LMF1: variants seen among roughly 807,000 people sequenced by gnomAD.
LMF1 encodes transmembrane protein 112.
LMF1 carries 68 observed loss-of-function variants against 60.6 expected under a neutral mutation model. The observed-to-expected ratio is 1.12, with a 90% CI of 0.92 to 1.37. The LOEUF (loss-of-function observed/expected upper bound fraction) is 1.37, where lower values mean the gene tolerates loss of function less well. Ranked by LOEUF, LMF1 falls within the 40% of genes most tolerant of loss-of-function variation. LMF1 has a pLI of 0.00. For synonymous variants in LMF1, 418 were observed against 324.7 expected (o/e 1.29, Z -3.09); for missense variants, 948 against 767.2 (o/e 1.24, Z -2.78).
intron 1 of LMF1, among the ~76,000 whole-genome samples, chr16:955,572 G>C (rs1310260366): frequency 6.6e-6 from 1 of 152,246 alleles, no homozygotes; most frequent in East Asian, 1.9e-4. Context: ...AAGTGAACCA[G>C]ACACGTTACA....
intron 3 of LMF1, among the ~76,000 whole-genome samples, chr16:911,382 C>T (rs142056868): frequency 2.0e-5 from 3 of 152,210 alleles, no homozygotes; most frequent in Non-Finnish European, 4.4e-5. Flanking sequence ...GGACGCTGCA[C>T]GGACCTGACA....
At chr16:971,646 A>G (rs897771485), upstream of LMF1, among the ~76,000 whole-genome samples, 12 of 152,190 alleles carry the variant, frequency 7.9e-5, no homozygotes, top group Non-Finnish European at 1.2e-4. Flanking sequence ...TAACTGCCCA[A>G]TGCCCCAAAC....
At chr16:955,792 C>T (rs1327470935) in intron 1 of LMF1, among the ~76,000 whole-genome samples, 2 of 152,250 alleles carry the variant, frequency 1.3e-5, no homozygotes, top group Non-Finnish European at 2.9e-5. Context: ...TCAGCATTCA[C>T]CATTATGAAA....
intron 1 of LMF1, among the ~76,000 whole-genome samples, chr16:966,244 C>T (rs992144388): frequency 6.6e-6 from 1 of 152,200 alleles, no homozygotes; most frequent in Non-Finnish European, 1.5e-5. Context: ...GGGGCCCCAG[C>T]CTCTCACTGC....
chr16:970,988 G>A (rs1357130372), upstream of LMF1: 5 of 1,483,756 alleles, frequency 3.4e-6, no homozygotes, highest in East Asian at 1.3e-4. Context: ...CATGTGCGGG[G>A]AGGGCGCACT....
intron 2 of LMF1, among the ~76,000 whole-genome samples, chr16:937,109 G>A (rs1348823185): frequency 1.3e-5 from 2 of 152,210 alleles, no homozygotes; most frequent in Admixed American, 1.3e-4. Context: ...GGCTGAGGGT[G>A]TTCGAAAATG....
At chr16:954,142 T>C in intron 2 of LMF1, 2 of 683,238 alleles carry the variant, frequency 2.9e-6, no homozygotes, top group Non-Finnish European at 5.4e-6. Flanking sequence ...AAGGAAGAGC[T>C]ACTGCAAAGA....
chr16:895,547 T>C (rs2070639057), intron 4 of LMF1, among the ~76,000 whole-genome samples: 1 of 152,066 alleles, frequency 6.6e-6, no homozygotes, highest in African/African-American at 2.4e-5. Flanking sequence ...TCTGCTGCTG[T>C]CTGTGCAGGA....
At position 853,695 on chromosome 16, in the gene LMF1, C is replaced by T. The variant is rs1489108756; in HGVS notation, c.*837G>A. On this transcript the variant is annotated 3_prime_UTR_variant, in exon 11 of 11. Transcript: ENST00000262301. ...GTAGAAGAATATGCCATAGCTATGG[C>T]TCAAGAATAGGAATAAGAAAAATGT... 6.6e-6 allele frequency: 3 copies of T among 454,140 alleles called. No homozygotes were observed. The highest frequency in any genetic ancestry group is 4.7e-5 in the Admixed American group (2 of 42,582). The allele number at this position is 454,140 out of a possible 1,614,324, so 28.1% of individuals were successfully genotyped here.
intron 2 of LMF1, among the ~76,000 whole-genome samples, chr16:945,525 C>CAA (rs72449666): frequency 0.098 from 14,072 of 143,378 alleles, 720 homozygotes; most frequent in Non-Finnish European, 0.11. Context: ...GAGGCTGTCT[C>CAA]AAAAAAAAAA....
Position 870,836 on chromosome 16 carries a change from C to T in LMF1, c.1125G>A (p.Leu375=), listed in dbSNP as rs754873251. 1 of 1,612,004 alleles carries T rather than the reference C, an allele frequency of 6.2e-7. No individual in the cohort carries two copies. The highest frequency in any genetic ancestry group is 1.3e-5 in the African/African-American group (1 of 75,034). The change falls in exon 8 of 11, where the codon CTG becomes CTA. Residue 375 remains leucine, a synonymous_variant. Coordinates refer to ENST00000262301, the MANE Select transcript of LMF1 (RefSeq NM_022773.4). ...GGACCACGGGCACGCTGAGCCAGGC[C>T]AGCAGGACGCCCAGCGAGACGTTGG... is the stretch of plus-strand genomic sequence containing the variant. ...RAANVSLGVL[L]AWLSVPVVLN...
At chr16:914,592 C>CATTGGTG (rs2071221989) in intron 3 of LMF1, among the ~76,000 whole-genome samples, 1 of 2,932 alleles carries the variant, frequency 3.4e-4, no homozygotes, top group African/African-American at 9.8e-4. Flanking sequence ...TTCCCATGAC[C>CATTGGTG]ACTGGTGACA....
intron 2 of LMF1, among the ~76,000 whole-genome samples, chr16:946,722 G>C (rs1361156698): frequency 6.6e-6 from 1 of 152,232 alleles, no homozygotes; most frequent in Admixed American, 6.5e-5. Context: ...CATGGGCTCA[G>C]TCACCTACAT....
At chr16:932,759 T>C (rs2071827158) in intron 3 of LMF1, among the ~76,000 whole-genome samples, 1 of 152,176 alleles carries the variant, frequency 6.6e-6, no homozygotes, top group South Asian at 2.1e-4. Context: ...TAAGAAAAGA[T>C]TTGTTTATCT....
At chr16:947,829 A>G (rs1029971396) in intron 2 of LMF1, among the ~76,000 whole-genome samples, 12 of 150,920 alleles carry the variant, frequency 8.0e-5, no homozygotes, top group African/African-American at 2.7e-4. Context: ...GAGTCAGCCA[A>G]TGACAGAGTC....
At chr16:927,359 C>A (rs192274301) in intron 3 of LMF1, among the ~76,000 whole-genome samples, 2 of 152,232 alleles carry the variant, frequency 1.3e-5, no homozygotes, top group African/African-American at 4.8e-5. Context: ...CTCTGCCTCC[C>A]GGTTTGAGGG....
Position 869,008 on chromosome 16 carries a change from C to T in LMF1, c.1465G>A (p.Ala489Thr). Residue 489 changes from alanine to threonine, a missense_variant, in exon 10 of 11, where the codon GCC becomes ACC. Coordinates refer to ENST00000262301, the MANE Select transcript of LMF1 (RefSeq NM_022773.4). The stretch of plus-strand genomic sequence containing the variant: ...AGGGACAAGGCCTCGGCGTCGCTGG[C>T]CAGGAGCTTGCCAGCCAGGTGGATG... ...WIIHLAGKLL[A>T]SDAEALSLLA... 6.2e-7 allele frequency: 1 copy of T among 1,612,644 alleles called. No homozygotes were observed. Among genetic ancestry groups the T allele is most frequent in the Non-Finnish European group, 8.5e-7 (1 of 1,179,766 alleles).
rs114335401 is a variant in LMF1, at chr16:893,167, G to A, written c.664-95C>T. 2.5e-3 allele frequency: 2,659 copies of A among 1,065,150 alleles called. 40 individuals are homozygous for A. In the African/African-American group the frequency reaches 0.037, roughly 15 times the overall value. 66.0% of individuals were successfully genotyped at this position (1,065,150 alleles called of 1,614,324 possible). A position where few individuals can be genotyped will look rare whatever the true frequency, so the allele number is the denominator to read the frequency against. On this transcript the variant is annotated intron_variant, in intron 4 of 10. Coordinates refer to ENST00000262301, the MANE Select transcript of LMF1 (RefSeq NM_022773.4). ...CTTCCCAGGAAGACGAACCATCCACGAAGGCCGTGGATCTGGGCTGCAGGC... is the reference window on the plus strand; with the variant it reads ...CTTCCCAGGAAGACGAACCATCCACAAAGGCCGTGGATCTGGGCTGCAGGC...
intron 4 of LMF1, chr16:902,056 C>A (rs576433077): frequency 6.6e-6 from 1 of 152,266 alleles, no homozygotes; most frequent in Non-Finnish European, 1.5e-5. Flanking sequence ...TGCCCCAACC[C>A]GCTGACACCC....
Sources: gnomAD v4.1 joint callset for allele counts (sites outside exome capture counted in the v4.1 genomes callset) on GRCh38, gnomAD v4.1.1 for gene constraint, MANE v1.5 for transcripts, NCBI Gene and HGNC (gene_info 2026-07-23, HGNC 2026-07-21) for gene names.